NBAS: variants seen among roughly 807,000 people sequenced by gnomAD.
The protein encoded by NBAS is NAG/BC035112 fusion.
Under a neutral mutation model 302.5 loss-of-function variants are expected in NBAS, and 219 were observed. The observed-to-expected ratio is 0.72, with a 90% CI of 0.65 to 0.81. NBAS has a LOEUF of 0.81. Ranked by LOEUF, NBAS falls within the 30% of genes least tolerant of loss-of-function variation. NBAS has a pLI of 0.00. For missense variants in NBAS, 2,932 were observed against 2,841.6 expected (o/e 1.03, Z -0.72); for synonymous variants, 1,118 against 1,021.6 (o/e 1.09, Z -1.80).
chr2:15,043,174 G>C, the NBAS span, among the ~76,000 whole-genome samples: 7 of 152,152 alleles, frequency 4.6e-5, no homozygotes, highest in Admixed American at 4.6e-4. Context: ...TGAGGAGGCA[G>C]AGTAGGAGTC....
chr2:15,346,965 C>T (rs1178084459), intron 35 of NBAS, among the ~76,000 whole-genome samples: 1 of 152,048 alleles, frequency 6.6e-6, no homozygotes, highest in Non-Finnish European at 1.5e-5. Flanking sequence ...AACACATGGA[C>T]CCAGGGAGGG....
chr2:14,936,138 C>T, the NBAS span, among the ~76,000 whole-genome samples: 1 of 152,048 alleles, frequency 6.6e-6, no homozygotes, highest in Non-Finnish European at 1.5e-5. Flanking sequence ...TAAATTGCAC[C>T]AAACCTAAAT....
At chr2:15,068,884 G>A in the NBAS span, among the ~76,000 whole-genome samples, 2 of 152,178 alleles carry the variant, frequency 1.3e-5, no homozygotes, top group Admixed American at 6.5e-5. Context: ...CAGTTATGGA[G>A]GCTGAGAAGT....
At chr2:15,039,226 A>G in the NBAS span, among the ~76,000 whole-genome samples, 2 of 152,232 alleles carry the variant, frequency 1.3e-5, no homozygotes, top group Non-Finnish European at 2.9e-5. Context: ...AGATGTCATC[A>G]GTGAAAGCCA....
At chr2:15,275,421 T>C in intron 44 of NBAS, 63 bp downstream of exon 44, 2 of 1,472,276 alleles carry the variant, frequency 1.4e-6, no homozygotes, top group Non-Finnish European at 1.9e-6. Context: ...ATCTACAGAA[T>C]GTAGGAGAAA....
chr2:15,467,279 T>A (rs1679763046), intron 19 of NBAS, 50 bp downstream of exon 19: 1 of 1,298,658 alleles, frequency 7.7e-7, no homozygotes, highest in South Asian at 1.2e-5. Flanking sequence ...ATAGCATTTA[T>A]AATGACAGAT....
intron 48 of NBAS, among the ~76,000 whole-genome samples, chr2:15,214,136 G>A (rs967084757): frequency 6.6e-6 from 1 of 152,316 alleles, no homozygotes; most frequent in East Asian, 1.9e-4. Context: ...AAGAACATCA[G>A]ACTGAAAGTC....
At chr2:15,456,411 A>T (rs7598068) in intron 21 of NBAS, among the ~76,000 whole-genome samples, 92,004 of 152,108 alleles carry the variant, frequency 0.6, 28,814 homozygotes, top group Non-Finnish European at 0.68. Context: ...TCTAAAATCT[A>T]AAATTCTATC....
chr2:15,434,972 T>A (rs1484338964), intron 21 of NBAS, among the ~76,000 whole-genome samples: 1 of 152,192 alleles, frequency 6.6e-6, no homozygotes, highest in African/African-American at 2.4e-5. Context: ...AGAGAGACCC[T>A]TATTTCACAT....
intron 9 of NBAS, among the ~76,000 whole-genome samples, chr2:15,521,697 T>C (rs957535055): frequency 6.6e-6 from 1 of 152,214 alleles, no homozygotes; most frequent in Admixed American, 6.5e-5. Context: ...GACAGGGTGT[T>C]TGGCTTTAAA....
the NBAS span, among the ~76,000 whole-genome samples, chr2:14,970,529 A>G: frequency 6.6e-6 from 1 of 152,230 alleles, no homozygotes; most frequent in Non-Finnish European, 1.5e-5. Context: ...TAAAACATCA[A>G]GAAAGAAACA....
chr2:14,793,421 G>A, the NBAS span, among the ~76,000 whole-genome samples: 2 of 152,046 alleles, frequency 1.3e-5, no homozygotes, highest in Non-Finnish European at 2.9e-5. Context: ...ATAAAATGTT[G>A]GATGGGTTTA....
chr2:14,799,821 T>A, the NBAS span, among the ~76,000 whole-genome samples: 2 of 152,212 alleles, frequency 1.3e-5, no homozygotes. Context: ...AATTATAGTC[T>A]ATCTCCAGTC....
At chr2:15,175,971 C>T (rs1391264768) in intron 51 of NBAS, among the ~76,000 whole-genome samples, 2 of 152,184 alleles carry the variant, frequency 1.3e-5, no homozygotes, top group Non-Finnish European at 2.9e-5. Context: ...CAACGGAGTG[C>T]CTCTGCCAGA....
the NBAS span, among the ~76,000 whole-genome samples, chr2:14,906,726 CT>C: frequency 4.6e-5 from 7 of 152,180 alleles, no homozygotes; most frequent in Non-Finnish European, 1.0e-4. Context: ...TCAGTGCTTT[CT>C]CCATTATTCT....
rs2148059556 is a variant in NBAS, at chr2:15,277,074, T to C, written c.5166A>G (p.Arg1722=). The C allele has an allele frequency of 6.2e-7, 1 of 1,613,784 alleles. No homozygotes were observed. The highest frequency in any genetic ancestry group is 2.2e-5 in the East Asian group (1 of 44,870). ...TCTCAAAGAGATGAAGGTCTTGGGC[T>C]CTATTTTCAATTTCTAGTGTGGACA... ...SGLSTLEIEN[R]AQDLHLFETL... is the part of the protein sequence containing the mutation. Residue 1722 remains arginine (R), a synonymous_variant, in exon 43 of 52, where the codon AGA becomes AGG. Transcript: ENST00000281513.
the NBAS span, among the ~76,000 whole-genome samples, chr2:14,851,240 A>C: frequency 1.0e-4 from 14 of 140,364 alleles, no homozygotes; most frequent in Non-Finnish European, 1.8e-4. Flanking sequence ...AAAAATGATA[A>C]AGGGGATATC....
At chr2:15,321,001 A>C (rs1404837529) in intron 38 of NBAS, among the ~76,000 whole-genome samples, 3 of 152,220 alleles carry the variant, frequency 2.0e-5, no homozygotes, top group African/African-American at 7.2e-5. Context: ...ACTATACTAC[A>C]AGGCTATAGT....
chr2:15,306,992 C>G (rs1474848343), intron 40 of NBAS, among the ~76,000 whole-genome samples: 1 of 152,206 alleles, frequency 6.6e-6, no homozygotes, highest in Non-Finnish European at 1.5e-5. Flanking sequence ...AGGGCGTCCT[C>G]ACAGTGAGAA....
Sources: allele counts gnomAD v4.1 joint callset (sites outside exome capture counted in the v4.1 genomes callset), GRCh38; gene constraint gnomAD v4.1.1; transcripts MANE v1.5; gene names NCBI Gene and HGNC (gene_info 2026-07-23, HGNC 2026-07-21).